CNTN5: variants seen among roughly 807,000 people sequenced by gnomAD.
CNTN5 encodes the protein contactin-5.
In CNTN5, 77 loss-of-function variants were observed where a neutral mutation model predicts 129.1. The ratio of observed to expected loss-of-function variants is 0.60; its 90% CI spans 0.50 to 0.72. The LOEUF (loss-of-function observed/expected upper bound fraction) is 0.72. CNTN5 is among the 30% of genes least tolerant of loss of function. The pLI is 0.00. For missense variants in CNTN5, 1,478 were observed against 1,328.8 expected (o/e 1.11, Z -1.75); for synonymous variants, 509 against 465.6 (o/e 1.09, Z -1.20).
intron 8 of CNTN5, among the ~76,000 whole-genome samples, chr11:99,958,074 G>C (rs748635697): frequency 6.6e-6 from 1 of 151,960 alleles, no homozygotes; most frequent in Non-Finnish European, 1.5e-5. Flanking sequence ...TTAAAGAGAA[G>C]AAAGCCAGTA....
intron 1 of CNTN5, among the ~76,000 whole-genome samples, chr11:99,256,176 T>G (rs541843794): frequency 1.1e-3 from 167 of 152,248 alleles, no homozygotes; most frequent in Non-Finnish European, 2.0e-3. Flanking sequence ...TTATCTGGTG[T>G]TTTACCCATT....
In CNTN5 at chr11:100,070,552, T is replaced by C. The variant is rs746349994; in HGVS notation, c.1291T>C (p.Ser431Pro). 1.9e-6 allele frequency: 3 copies of C among 1,612,762 alleles called. No individual in the cohort carries two copies. The African/African-American group carries it at 4.0e-5, about 22-fold the overall frequency. The change falls in exon 11 of 25, where the codon TCA becomes CCA. Residue 431 changes from serine to proline, a missense_variant. Ser to Pro is a moderately conservative substitution (Grantham distance 74). Coordinates refer to ENST00000524871, the MANE Select transcript of CNTN5 (RefSeq NM_014361.4). ...YRWLKNGVPL[S>P]PQSRVEMVNG... ...TTGGCTGAAGAATGGAGTACCCCTC[T>C]CACCTCAGGTACTGTTGGGAGTTAT...
intron 6 of CNTN5, among the ~76,000 whole-genome samples, chr11:99,861,098 G>C (rs1392586608): frequency 6.6e-6 from 1 of 151,932 alleles, no homozygotes; most frequent in Non-Finnish European, 1.5e-5. Flanking sequence ...TAGGACTACA[G>C]GCGCCAACCA....
At chr11:100,308,856 C>G in intron 21 of CNTN5, 1 of 984,288 alleles carries the variant, frequency 1.0e-6, no homozygotes, top group Non-Finnish European at 1.2e-6. Context: ...CTCTTACCCT[C>G]AGTGCTGAAT....
intron 1 of CNTN5, among the ~76,000 whole-genome samples, chr11:99,229,329 A>C (rs1359353920): frequency 1.3e-5 from 2 of 152,090 alleles, no homozygotes; most frequent in Non-Finnish European, 2.9e-5. Flanking sequence ...ATGTTAAATT[A>C]ATAAAATATG....
chr11:99,527,727 A>C (rs901885148), intron 2 of CNTN5, among the ~76,000 whole-genome samples: 5 of 152,248 alleles, frequency 3.3e-5, no homozygotes, highest in African/African-American at 1.2e-4. Context: ...GAAAGTGTTC[A>C]CTAACAGAAT....
At chr11:99,779,279 A>T (rs568551113) in intron 3 of CNTN5, among the ~76,000 whole-genome samples, 11 of 152,114 alleles carry the variant, frequency 7.2e-5, no homozygotes, top group African/African-American at 2.4e-4. Context: ...TATAACTCTC[A>T]TCAAGGCATT....
intron 14 of CNTN5, 63 bp downstream of exon 14, chr11:100,191,316 A>G: frequency 7.1e-7 from 1 of 1,412,764 alleles, no homozygotes; most frequent in Non-Finnish European, 9.7e-7. Context: ...AAAGAGAATA[A>G]ATATAATATA....
At chr11:99,882,739 A>T (rs1948803589) in intron 6 of CNTN5, among the ~76,000 whole-genome samples, 1 of 152,192 alleles carries the variant, frequency 6.6e-6, no homozygotes, top group South Asian at 2.1e-4. Flanking sequence ...AGTTATTTTT[A>T]AAATGTGCAA....
At chr11:99,490,766 A>G (rs1383415657) in intron 2 of CNTN5, among the ~76,000 whole-genome samples, 1 of 152,154 alleles carries the variant, frequency 6.6e-6, no homozygotes, top group African/African-American at 2.4e-5. Context: ...GTGAAGTGGA[A>G]CAGTTTATCC....
chr11:100,183,576 C>T (rs898906168), intron 13 of CNTN5, among the ~76,000 whole-genome samples: 7 of 151,930 alleles, frequency 4.6e-5, no homozygotes, highest in African/African-American at 1.5e-4. Context: ...ACTAACTTAT[C>T]GTGATGGGAA....
chr11:99,477,773 G>GA (rs1945433476), intron 2 of CNTN5, among the ~76,000 whole-genome samples: 1 of 146,274 alleles, frequency 6.8e-6, no homozygotes, highest in African/African-American at 2.6e-5. Context: ...AATATAGTGA[G>GA]ACCCCATCTC....
At chr11:99,455,418 C>T (rs757324196) in intron 2 of CNTN5, among the ~76,000 whole-genome samples, 41 of 150,204 alleles carry the variant, frequency 2.7e-4, no homozygotes, top group Non-Finnish European at 4.1e-4. Context: ...ATAAAGATTT[C>T]ATTTTCCTGA....
chr11:100,222,938 T>A (rs1356252709), intron 15 of CNTN5, among the ~76,000 whole-genome samples: 1 of 152,090 alleles, frequency 6.6e-6, no homozygotes, highest in Non-Finnish European at 1.5e-5. Flanking sequence ...AGTATTAAAT[T>A]ATATTGATTT....
chr11:99,778,837 T>A (rs540321069), intron 3 of CNTN5, among the ~76,000 whole-genome samples: 1 of 145,896 alleles, frequency 6.9e-6, no homozygotes, highest in East Asian at 2.0e-4. Flanking sequence ...TTGAAATTAA[T>A]ATCAACAATT....
intron 3 of CNTN5, among the ~76,000 whole-genome samples, chr11:99,671,396 TA>T (rs1281189054): frequency 1.3e-5 from 2 of 152,158 alleles, no homozygotes; most frequent in Non-Finnish European, 2.9e-5. Context: ...AATGTGAACA[TA>T]CATAAGCACT....
chr11:99,372,085 G>A (rs931785002), intron 2 of CNTN5, among the ~76,000 whole-genome samples: 7 of 152,214 alleles, frequency 4.6e-5, no homozygotes, highest in African/African-American at 1.7e-4. Context: ...GAAAATGGCT[G>A]AAACAAGCAC....
At chr11:100,355,229 G>T (rs1952495648) in intron 24 of CNTN5, among the ~76,000 whole-genome samples, 1 of 150,564 alleles carries the variant, frequency 6.6e-6, no homozygotes, top group Non-Finnish European at 1.5e-5. Flanking sequence ...AAACTGTTTT[G>T]TTAGAAACTA....
At position 100,070,525 on chromosome 11, in the gene CNTN5, C is replaced by G; in HGVS notation, c.1264C>G (p.Arg422Gly). The G allele has an allele frequency of 6.2e-7, 1 of 1,613,106 alleles. No individual in the cohort carries two copies. Among genetic ancestry groups the G allele is most frequent in the Non-Finnish European group, 8.5e-7 (1 of 1,179,466 alleles). The change falls in exon 11 of 25, where the codon CGT (arginine) becomes GGT (glycine). Residue 422 changes from arginine (R) to glycine (G), a missense_variant. Arg to Gly is a moderately radical substitution (Grantham distance 125, BLOSUM62 -2). Coordinates refer to ENST00000524871, the MANE Select transcript of CNTN5 (RefSeq NM_014361.4). The part of the protein sequence containing the change: ...KATGKPRPTY[R>G]WLKNGVPLSP... ...TACTGGAAAACCCAGACCCACGTAT[C>G]GTTGGCTGAAGAATGGAGTACCCCT...
Sources: gnomAD v4.1 joint callset for allele counts (sites outside exome capture counted in the v4.1 genomes callset) on GRCh38, gnomAD v4.1.1 for gene constraint, MANE v1.5 for transcripts, NCBI Gene and HGNC (gene_info 2026-07-23, HGNC 2026-07-21) for gene names.